CELF5: variants seen among roughly 807,000 people sequenced by gnomAD.
CELF5 encodes CUGBP Elav-like family member 5, also known as CUG-BP and ETR-3 like factor 5.
Under a neutral mutation model 54.9 loss-of-function variants are expected in CELF5, and 6 were observed. The ratio of observed to expected loss-of-function variants is 0.11; its 90% CI spans 0.06 to 0.22. The LOEUF (loss-of-function observed/expected upper bound fraction) is 0.22, where lower values mean the gene tolerates loss of function less well. CELF5 is among the 10% of genes least tolerant of loss of function. CELF5 has a pLI of 1.00. For missense variants in CELF5, 401 were observed against 678.6 expected (o/e 0.59, Z 4.54); for synonymous variants, 271 against 290.9 (o/e 0.93, Z 0.70).
At chr19:3,227,764 C>T (rs1917005399) in intron 1 of CELF5, among the ~76,000 whole-genome samples, 1 of 152,074 alleles carries the variant, frequency 6.6e-6, no homozygotes, top group African/African-American at 2.4e-5. Context: ...ACCCTGGGTC[C>T]CACATTTACC....
At chr19:3,286,253 A>G (rs990470174) in intron 10 of CELF5, 1 of 487,146 alleles carries the variant, frequency 2.1e-6, no homozygotes. Flanking sequence ...CCCCGTAGGA[A>G]TAGCAGTGAC....
Position 3,282,625 on chromosome 19 carries a change from G to A in CELF5, c.1039+127G>A, listed in dbSNP as rs1038716756. The A allele has an allele frequency of 3.0e-5, 32 of 1,082,284 alleles. No homozygotes were observed. The highest frequency in any genetic ancestry group is 2.2e-4 in the African/African-American group (14 of 63,574). 67.0% of individuals were successfully genotyped at this position (1,082,284 alleles called of 1,614,324 possible). On this transcript the variant is annotated intron_variant, in intron 8 of 12. Coordinates refer to ENST00000292672, the MANE Select transcript of CELF5 (RefSeq NM_021938.4). This position sits in a 1 kb window ranked among gnomAD's most constrained non-coding sequence, Gnocchi z 5.2. ...GAAGGGCAGGAAAAAGGGTGTCTCCGCTGAGCAGATAAGAGCTGTGGACAC... is the reference window on the plus strand; with the variant it reads ...GAAGGGCAGGAAAAAGGGTGTCTCCACTGAGCAGATAAGAGCTGTGGACAC...
intron 2 of CELF5, among the ~76,000 whole-genome samples, chr19:3,251,774 A>G (rs962963672): frequency 6.7e-6 from 1 of 149,728 alleles, no homozygotes; most frequent in Non-Finnish European, 1.5e-5. Context: ...TCCCAGGTTC[A>G]AGTGATTCTC....
intron 2 of CELF5, among the ~76,000 whole-genome samples, chr19:3,251,440 A>G (rs1321956275): frequency 2.0e-5 from 3 of 152,036 alleles, no homozygotes; most frequent in African/African-American, 7.2e-5. Context: ...TTGGAGGAAC[A>G]GGGAGGAGGC....
chr19:3,270,918 C>A (rs1222500015), intron 2 of CELF5, among the ~76,000 whole-genome samples: 3 of 151,876 alleles, frequency 2.0e-5, no homozygotes, highest in Non-Finnish European at 4.4e-5. Flanking sequence ...AGCCCCCCAA[C>A]CCCAGAACAA....
chr19:3,255,485 C>T (rs2079712201), intron 2 of CELF5, among the ~76,000 whole-genome samples: 1 of 152,094 alleles, frequency 6.6e-6, no homozygotes, highest in South Asian at 2.1e-4. Flanking sequence ...AGCCTACTGC[C>T]CCCGACTGCT....
intron 2 of CELF5, among the ~76,000 whole-genome samples, chr19:3,265,504 G>T (rs538533013): frequency 6.6e-6 from 1 of 152,234 alleles, no homozygotes; most frequent in African/African-American, 2.4e-5. Flanking sequence ...TACCCACTTG[G>T]TTTTGTTTTT....
chr19:3,233,274 C>G (rs1917356348), intron 1 of CELF5, among the ~76,000 whole-genome samples: 1 of 152,096 alleles, frequency 6.6e-6, no homozygotes, highest in African/African-American at 2.4e-5. Context: ...GAAAACAGAT[C>G]TAAACCCTGT....
At chr19:3,236,275 G>T (rs943420715) in intron 1 of CELF5, among the ~76,000 whole-genome samples, 5 of 152,184 alleles carry the variant, frequency 3.3e-5, no homozygotes, top group Non-Finnish European at 5.9e-5. Context: ...GGAGGAGGAA[G>T]TGGAGAGGAT....
At chr19:3,272,629 CA>C (rs1353625288) in intron 2 of CELF5, among the ~76,000 whole-genome samples, 1 of 152,176 alleles carries the variant, frequency 6.6e-6, no homozygotes, top group African/African-American at 2.4e-5. Flanking sequence ...CAGGTTTCTC[CA>C]ATTCCTCCAT....
chr19:3,250,027 C>T (rs2079626198), intron 1 of CELF5, among the ~76,000 whole-genome samples: 2 of 152,180 alleles, frequency 1.3e-5, no homozygotes, highest in South Asian at 4.1e-4. Flanking sequence ...TGGTCTCACC[C>T]TTTGCGGGGG....
Position 3,275,443 on chromosome 19 carries a change from CAGAA to C in CELF5, c.395-409_395-406del, listed in dbSNP as rs778707312. Among the ~76,000 whole-genome samples the C allele has an allele frequency of 3.3e-4, 50 of 152,308 alleles. No homozygotes were observed. The highest frequency in any genetic ancestry group is 2.0e-3 in the Admixed American group (30 of 15,294). On this transcript the variant is annotated intron_variant, in intron 3 of 12. Coordinates refer to ENST00000292672, the MANE Select transcript of CELF5 (RefSeq NM_021938.4). The surrounding 1 kb of genome is among the most constrained non-coding windows in gnomAD (Gnocchi z 6.7). ...CCGCCTGGCAGGTCCGGGGAGCAGACAGAAAGACAGACAGACAGACAGACAGGGA... is the reference window on the plus strand; with the variant it reads ...CCGCCTGGCAGGTCCGGGGAGCAGACAGACAGACAGACAGACAGACAGGGA...
rs941795439 is a variant in CELF5 at position 3,275,666 on chromosome 19, G to A, written c.395-190G>A. On this transcript the variant is annotated intron_variant, in intron 3 of 12. Coordinates refer to ENST00000292672, the MANE Select transcript of CELF5 (RefSeq NM_021938.4). This position sits in a 1 kb window ranked among gnomAD's most constrained non-coding sequence, Gnocchi z 6.7. Reference sequence around the variant, plus strand: ...ATGGGAGCGTGCAGGGCCCGTGGGAGGGTGGAGAGATCCGGGGCAGGGAAA... The same window carrying A: ...ATGGGAGCGTGCAGGGCCCGTGGGAAGGTGGAGAGATCCGGGGCAGGGAAA... Among the ~76,000 whole-genome samples the A allele has an allele frequency of 1.3e-5, 2 of 151,248 alleles. No homozygotes were observed. Among genetic ancestry groups the A allele is most frequent in the Non-Finnish European group, 3.0e-5 (2 of 67,654 alleles).
chr19:3,243,050 G>GC lies in CELF5; in HGVS notation c.260-7930dup, dbSNP rs199506429. ...TGGGCAAGCCACTTCCCCTCTCTGT[G>GC]CCCCCATCTCTCATCTGTAAAATGG... On this transcript the variant is annotated intron_variant, in intron 1 of 12. Transcript: ENST00000292672. 9.5e-4 allele frequency among the ~76,000 whole-genome samples: 145 copies of GC among 152,182 alleles called. 3 individuals are homozygous for GC. In the East Asian group the frequency reaches 0.026, roughly 27 times the overall value.
intron 9 of CELF5, 57 bp from the exon 10 acceptor site, chr19:3,285,885 G>A (rs1372767445): frequency 7.5e-7 from 1 of 1,329,128 alleles, no homozygotes; most frequent in South Asian, 1.6e-5. Context: ...AGCGGCCCAG[G>A]CCGCCCACGT....
chr19:3,258,619 T>A (rs2079764892), intron 2 of CELF5, among the ~76,000 whole-genome samples: 1 of 152,100 alleles, frequency 6.6e-6, no homozygotes, highest in African/African-American at 2.4e-5. Flanking sequence ...ATTTTTTATT[T>A]TTATTTTTTA....
Position 3,282,254 on chromosome 19 carries a change from C to T in CELF5, c.879C>T (p.Ile293=), listed in dbSNP as rs144542912. 48 of 1,612,776 alleles carry T rather than the reference C, an allele frequency of 3.0e-5. No individual in the cohort carries two copies. The African/African-American group carries it at 5.2e-4, about 17-fold the overall frequency. The part of the protein sequence containing the change: ...VSLNGLPATP[I]APASGLHSPP... ...TCAACGGGCTGCCTGCCACACCCAT[C>T]GCTCCTGCCTCTGGTGAGCCTCCTC... The change falls in exon 7 of 13, where the codon ATC becomes ATT. Residue 293 remains isoleucine (I), a synonymous_variant. Transcript: ENST00000292672. The surrounding 1 kb of genome is among the most constrained non-coding windows in gnomAD (Gnocchi z 5.2).
At chr19:3,250,897 C>CCG in intron 1 of CELF5, 88 bp from the exon 2 acceptor site, 8 of 862,130 alleles carry the variant, frequency 9.3e-6, no homozygotes, top group Non-Finnish European at 1.4e-5. Flanking sequence ...GCTTGGGTTG[C>CCG]TTCCACCTAG....
In CELF5 at chr19:3,278,949, C is replaced by G. The variant is rs1001902093; in HGVS notation, c.603+839C>G. Among the ~76,000 whole-genome samples, 1 of 152,086 alleles carries G rather than the reference C, an allele frequency of 6.6e-6. No individual in the cohort carries two copies. The highest frequency in any genetic ancestry group is 1.5e-5 in the Non-Finnish European group (1 of 68,018). The stretch of plus-strand genomic sequence containing the variant: ...AGCCATAGAAGATGGGGCCGCAATG[C>G]GAGGCTGAGAAGCCTGGACTTTCTC... On this transcript the variant is annotated intron_variant, in intron 5 of 12. Coordinates refer to ENST00000292672, the MANE Select transcript of CELF5 (RefSeq NM_021938.4). This position sits in a 1 kb window ranked among gnomAD's most constrained non-coding sequence, Gnocchi z 4.5.
Sources: allele counts gnomAD v4.1 joint callset (sites outside exome capture counted in the v4.1 genomes callset), GRCh38; gene constraint gnomAD v4.1.1; non-coding constraint Gnocchi (gnomAD v3.1); transcripts MANE v1.5; gene names NCBI Gene and HGNC (gene_info 2026-07-23, HGNC 2026-07-21).